SH3BGR: variants seen among roughly 807,000 people sequenced by gnomAD.
The protein encoded by SH3BGR is SH3 domain binding glutamate rich protein.
SH3BGR carries 29 observed loss-of-function variants against 24.5 expected under a neutral mutation model. The ratio of observed to expected loss-of-function variants is 1.18; its 90% CI spans 0.88 to 1.61. SH3BGR has a LOEUF of 1.61. SH3BGR is among the 40% of genes most tolerant of loss of function. The pLI is 0.00. For missense variants in SH3BGR, 162 were observed against 205.8 expected, an observed-to-expected ratio of 0.79 and a Z score of 1.30; for synonymous variants, 55 against 65.7, an observed-to-expected ratio of 0.84 and a Z score of 0.79.
chr21:39,472,023 T>C (rs1254045670), intron 2 of SH3BGR, among the ~76,000 whole-genome samples: 1 of 152,228 alleles, frequency 6.6e-6, no homozygotes, highest in Non-Finnish European at 1.5e-5. Flanking sequence ...ATTCTGATTT[T>C]TAATTCCACC....
chr21:39,448,414 A>G (rs2077535703), upstream of SH3BGR, among the ~76,000 whole-genome samples: 1 of 152,224 alleles, frequency 6.6e-6, no homozygotes, highest in Non-Finnish European at 1.5e-5. Context: ...TCATGAGATC[A>G]TCTGGGGGTC....
At chr21:39,467,496 G>A (rs563769790) in intron 2 of SH3BGR, among the ~76,000 whole-genome samples, 1 of 152,122 alleles carries the variant, frequency 6.6e-6, no homozygotes, top group Admixed American at 6.5e-5. Context: ...ACTTACAAAA[G>A]TATATTCATG....
chr21:39,502,640 G>A (rs566896358), intron 4 of SH3BGR, among the ~76,000 whole-genome samples: 25 of 152,320 alleles, frequency 1.6e-4, no homozygotes, highest in African/African-American at 5.8e-4. Context: ...AGCTGGGTGG[G>A]GTGTTTTGAA....
intron 6 of SH3BGR, among the ~76,000 whole-genome samples, chr21:39,512,609 G>T (rs2078715073): frequency 6.6e-6 from 1 of 152,164 alleles, no homozygotes; most frequent in Admixed American, 6.5e-5. Flanking sequence ...AGATAGGACA[G>T]CATGCGTGAA....
chr21:39,513,709 C>A (rs973870883), intron 6 of SH3BGR, among the ~76,000 whole-genome samples: 4 of 151,874 alleles, frequency 2.6e-5, no homozygotes, highest in African/African-American at 4.8e-5. Flanking sequence ...AGGAAACTGG[C>A]AAGCTTAAGA....
intron 1 of SH3BGR, chr21:39,446,089 G>A (rs908154752): frequency 2.6e-5 from 4 of 152,040 alleles, no homozygotes; most frequent in African/African-American, 9.7e-5. Flanking sequence ...TAGGTAACTT[G>A]AGTCAGTAGG....
intron 3 of SH3BGR, among the ~76,000 whole-genome samples, chr21:39,488,948 C>T (rs2078254649): frequency 6.6e-6 from 1 of 152,186 alleles, no homozygotes; most frequent in African/African-American, 2.4e-5. Context: ...AACTTGTTCT[C>T]TGTTCCCCCC....
chr21:39,475,281 C>T (rs2078009141), intron 3 of SH3BGR, 66 bp downstream of exon 3: 2 of 939,124 alleles, frequency 2.1e-6, no homozygotes, highest in East Asian at 4.8e-5. Context: ...GAAATCACCG[C>T]ATCCAAGACT....
In SH3BGR at chr21:39,475,465, G is replaced by T. The variant is rs7281516; in HGVS notation, c.312+250G>T. Among the ~76,000 whole-genome samples, 1,029 of 152,218 alleles carry T rather than the reference G, an allele frequency of 6.8e-3. 8 individuals are homozygous for T. The highest frequency in any genetic ancestry group is 0.023 in the African/African-American group (957 of 41,510). Reference sequence around the variant, plus strand: ...AATAAATTTTATAATACCTAAGTTAGGAAATATCATTACTTTGAATAATCT... The same window carrying T: ...AATAAATTTTATAATACCTAAGTTATGAAATATCATTACTTTGAATAATCT... On this transcript the variant is annotated intron_variant, in intron 3 of 6. Transcript: ENST00000333634.
intron 3 of SH3BGR, among the ~76,000 whole-genome samples, chr21:39,481,206 T>C (rs11088478): frequency 0.56 from 85,660 of 152,024 alleles, 24,486 homozygotes; most frequent in East Asian, 0.68. Flanking sequence ...GGTTCGTGCC[T>C]GTAATCCTAG....
At chr21:39,447,758 A>G (rs191768567), upstream of SH3BGR, among the ~76,000 whole-genome samples, 212 of 152,204 alleles carry the variant, frequency 1.4e-3, 1 homozygote, top group Admixed American at 2.4e-3. Context: ...TTCTGTGTAC[A>G]CAATGGAAGG....
At chr21:39,509,991 G>A (rs1291712837) in intron 5 of SH3BGR, among the ~76,000 whole-genome samples, 2 of 126,720 alleles carry the variant, frequency 1.6e-5, no homozygotes, top group African/African-American at 7.1e-5. Flanking sequence ...AGCCCAGGCC[G>A]GATTGCAGTG....
intron 6 of SH3BGR, among the ~76,000 whole-genome samples, chr21:39,512,378 A>G (rs988564575): frequency 6.6e-6 from 1 of 152,216 alleles, no homozygotes; most frequent in Non-Finnish European, 1.5e-5. Flanking sequence ...CTCTGGAAAC[A>G]CCGGGGAACA....
intron 3 of SH3BGR, chr21:39,491,788 C>T (rs9976202): frequency 0.56 from 119,150 of 212,204 alleles, 33,957 homozygotes; most frequent in East Asian, 0.68. Flanking sequence ...TGACAAATTT[C>T]TTAATGGCCT....
intron 2 of SH3BGR, among the ~76,000 whole-genome samples, chr21:39,470,423 T>G (rs1403698648): frequency 6.6e-6 from 1 of 152,076 alleles, no homozygotes; most frequent in Non-Finnish European, 1.5e-5. Context: ...CATGCCCTGC[T>G]AATTTTTTTG....
chr21:39,452,243 C>A, intron 1 of SH3BGR, 102 bp downstream of exon 1: 2 of 1,345,866 alleles, frequency 1.5e-6, no homozygotes, highest in Non-Finnish European at 2.1e-6. Flanking sequence ...TGCGTGTAGT[C>A]AGCTGTGGCT....
chr21:39,479,772 T>G (rs964363206), intron 3 of SH3BGR, among the ~76,000 whole-genome samples: 2 of 152,218 alleles, frequency 1.3e-5, no homozygotes, highest in African/African-American at 4.8e-5. Context: ...TTCTCTCACA[T>G]CGCTCTTTGT....
chr21:39,491,348 C>T (rs982766614), intron 3 of SH3BGR, among the ~76,000 whole-genome samples: 1 of 151,968 alleles, frequency 6.6e-6, no homozygotes, highest in Non-Finnish European at 1.5e-5. Context: ...GGGGGTTTCA[C>T]CACGTTGGCC....
intron 3 of SH3BGR, chr21:39,488,835 G>A (rs945637770): frequency 1.9e-4 from 37 of 194,516 alleles, no homozygotes; most frequent in Admixed American, 7.6e-4. Flanking sequence ...CCTGTCCTTT[G>A]CCCTGTGAGA....
Sources: allele counts gnomAD v4.1 joint callset (sites outside exome capture counted in the v4.1 genomes callset), GRCh38; gene constraint gnomAD v4.1.1; transcripts MANE v1.5; gene names NCBI Gene and HGNC (gene_info 2026-07-23, HGNC 2026-07-21).